The following KAZN variants were observed in gnomAD, a reference collection of about 807,000 sequenced individuals.
KAZN encodes the protein kazrin.
Under a neutral mutation model 87.4 loss-of-function variants are expected in KAZN, and 40 were observed. That is an observed-to-expected ratio of 0.46 (90% CI 0.36 to 0.60). The LOEUF (loss-of-function observed/expected upper bound fraction) is 0.60. KAZN is among the 20% of genes least tolerant of loss of function. The probability of loss-of-function intolerance (pLI) is 0.00; values close to 1 mark genes in which losing one functional copy is unlikely to be tolerated. For synonymous variants in KAZN, 466 were observed against 458.3 expected (o/e 1.02, Z -0.22); for missense variants, 898 against 1,073.9 (o/e 0.84, Z 2.29).
At chr1:14,292,519 G>A (rs1157838283) in intron 2 of KAZN, among the ~76,000 whole-genome samples, 5 of 152,132 alleles carry the variant, frequency 3.3e-5, no homozygotes, top group Non-Finnish European at 1.5e-5. Context: ...GGGCTGGCAG[G>A]GATTGATCCA....
At chr1:14,934,199 GTTTTC>G (rs1299909752) in intron 1 of KAZN, among the ~76,000 whole-genome samples, 7 of 148,100 alleles carry the variant, frequency 4.7e-5, no homozygotes, top group Non-Finnish European at 1.0e-4. Context: ...GTTTTTGTCA[GTTTTC>G]TTTTCTTTTT....
intron 8 of KAZN, among the ~76,000 whole-genome samples, chr1:15,074,969 T>G (rs917665076): frequency 1.3e-5 from 2 of 152,164 alleles, no homozygotes; most frequent in African/African-American, 4.8e-5. Context: ...GGTGATCTCA[T>G]TTCAGCCTCT....
chr1:14,832,944 G>T (rs985485841), intron 1 of KAZN, among the ~76,000 whole-genome samples: 8 of 152,158 alleles, frequency 5.3e-5, no homozygotes, highest in Non-Finnish European at 8.8e-5. Flanking sequence ...TGCTACAGTG[G>T]CAGAGTTGAA....
intron 1 of KAZN, among the ~76,000 whole-genome samples, chr1:13,961,957 C>T (rs1641769262): frequency 2.0e-5 from 3 of 152,176 alleles, no homozygotes; most frequent in East Asian, 3.9e-4. Context: ...GCACCTGTTC[C>T]CTTTGCCTGG....
At chr1:15,015,591 A>G (rs1670006215) in intron 2 of KAZN, among the ~76,000 whole-genome samples, 1 of 152,162 alleles carries the variant, frequency 6.6e-6, no homozygotes, top group East Asian at 1.9e-4. Context: ...GTTGAGCTGC[A>G]GGGATCTGGG....
At chr1:14,754,373 C>A (rs1186997203) in intron 1 of KAZN, among the ~76,000 whole-genome samples, 1 of 152,220 alleles carries the variant, frequency 6.6e-6, no homozygotes, top group Non-Finnish European at 1.5e-5. Context: ...TGGCTCACAC[C>A]TGTAATCCCA....
intron 1 of KAZN, among the ~76,000 whole-genome samples, chr1:14,762,561 T>A (rs915991545): frequency 2.6e-5 from 4 of 151,808 alleles, no homozygotes; most frequent in Admixed American, 6.6e-5. Flanking sequence ...CCGTCTCTAC[T>A]AAAAATACAA....
chr1:15,096,633 G>T lies in KAZN; in HGVS notation c.1547+1700G>T, dbSNP rs1397652658. On this transcript the variant is annotated intron_variant, in intron 10 of 14. Transcript: ENST00000376030. The surrounding 1 kb of genome is among the most constrained non-coding windows in gnomAD (Gnocchi z 4.5). Reference sequence around the variant, plus strand: ...ACAGTTCTGGAGGCTGGAAGTCCAAGATCGGGATGCCAGCATGGTTGGGAC... The same window carrying T: ...ACAGTTCTGGAGGCTGGAAGTCCAATATCGGGATGCCAGCATGGTTGGGAC... 6.6e-6 allele frequency among the ~76,000 whole-genome samples: 1 copy of T among 152,226 alleles called. No homozygotes were observed. Among genetic ancestry groups the T allele is most frequent in the Non-Finnish European group, 1.5e-5 (1 of 68,038 alleles).
intron 8 of KAZN, among the ~76,000 whole-genome samples, chr1:15,080,512 A>C (rs1184731936): frequency 1.3e-5 from 2 of 151,958 alleles, no homozygotes; most frequent in African/African-American, 4.8e-5. Context: ...TGCTCTTCAC[A>C]CCCACGCTGT....
chr1:14,988,515 G>A (rs545192538), intron 2 of KAZN, among the ~76,000 whole-genome samples: 9 of 152,212 alleles, frequency 5.9e-5, no homozygotes, highest in Admixed American at 1.3e-4. Flanking sequence ...GGGTGATGGC[G>A]TGCTGCCCTC....
chr1:14,272,613 C>T (rs1652036262), intron 2 of KAZN, among the ~76,000 whole-genome samples: 1 of 152,148 alleles, frequency 6.6e-6, no homozygotes, highest in Non-Finnish European at 1.5e-5. Context: ...AATCCCAGCA[C>T]TTTGGGAGGC....
intron 1 of KAZN, among the ~76,000 whole-genome samples, chr1:14,086,090 T>C (rs1316622380): frequency 2.0e-5 from 3 of 152,244 alleles, no homozygotes; most frequent in Non-Finnish European, 4.4e-5. Flanking sequence ...CTCATATTTG[T>C]TGGATATTTT....
intron 2 of KAZN, among the ~76,000 whole-genome samples, chr1:14,373,053 C>G (rs540586655): frequency 1.3e-5 from 2 of 152,148 alleles, no homozygotes; most frequent in East Asian, 3.9e-4. Flanking sequence ...TAGGAGGTTG[C>G]CACGTGACCA....
chr1:14,538,422 G>T (rs559673896), intron 2 of KAZN, among the ~76,000 whole-genome samples: 12 of 152,346 alleles, frequency 7.9e-5, no homozygotes, highest in Non-Finnish European at 1.3e-4. Context: ...GAATAGAAAT[G>T]TATTTTCTTA....
intron 2 of KAZN, among the ~76,000 whole-genome samples, chr1:14,182,526 A>T (rs1390949319): frequency 5.9e-5 from 9 of 152,158 alleles, no homozygotes; most frequent in Non-Finnish European, 1.3e-4. Flanking sequence ...TCCTTGCTGA[A>T]GTCAATTGGG....
chr1:14,552,493 G>C (rs938298238), intron 2 of KAZN, among the ~76,000 whole-genome samples: 7 of 152,206 alleles, frequency 4.6e-5, no homozygotes. Flanking sequence ...GCAACTTGGC[G>C]GTTGCCAGGG....
intron 2 of KAZN, among the ~76,000 whole-genome samples, chr1:14,418,714 G>A (rs980876705): frequency 2.3e-4 from 35 of 152,132 alleles, no homozygotes; most frequent in African/African-American, 8.2e-4. Flanking sequence ...TTTTGTCTAT[G>A]ATCTGATCTC....
chr1:15,067,392 C>G (rs1288921445), intron 8 of KAZN: 29 of 985,366 alleles, frequency 2.9e-5, no homozygotes, highest in African/African-American at 3.5e-5. Context: ...CCCAAAGAGG[C>G]TTCACCAGCA....
At chr1:14,784,479 C>T (rs1369242193) in intron 1 of KAZN, among the ~76,000 whole-genome samples, 1 of 152,180 alleles carries the variant, frequency 6.6e-6, no homozygotes, top group African/African-American at 2.4e-5. Context: ...CACTCAAGGG[C>T]CGGGCATGGC....
Sources: gnomAD v4.1 joint callset for allele counts (sites outside exome capture counted in the v4.1 genomes callset) on GRCh38, gnomAD v4.1.1 for gene constraint, Gnocchi (gnomAD v3.1) non-coding constraint, MANE v1.5 for transcripts, NCBI Gene and HGNC (gene_info 2026-07-23, HGNC 2026-07-21) for gene names.